Variants in UST observed in about 807,000 individuals in gnomAD.
UST encodes the protein chondroitin sulfate 2-O-sulfotransferase.
A neutral mutation model predicts 45.6 loss-of-function variants in UST; 21 were observed. That is an observed-to-expected ratio of 0.46 (90% confidence interval 0.33 to 0.66). The LOEUF is 0.66. UST is among the 30% of genes least tolerant of loss of function. UST has a pLI of 0.02. For missense variants in UST, 463 were observed against 512.4 expected, an observed-to-expected ratio of 0.90 and a Z score of 0.93; for synonymous variants, 215 against 200.6, an observed-to-expected ratio of 1.07 and a Z score of -0.61.
chr6:148,814,451 T>G (rs949920665), intron 1 of UST, among the ~76,000 whole-genome samples: 4 of 151,852 alleles, frequency 2.6e-5, no homozygotes, highest in Non-Finnish European at 4.4e-5. Flanking sequence ...CATGGAGAGA[T>G]GAAGCAAAAC....
rs189206614 is a variant in UST at position 148,923,292 on chromosome 6, C to A, written c.292-17987C>A. Among the ~76,000 whole-genome samples the A allele has an allele frequency of 2.9e-4, 44 of 152,272 alleles. No individual in the cohort carries two copies. The East Asian group carries it at 7.9e-3, about 27-fold the overall frequency. Reference sequence around the variant, plus strand: ...TTTGGGGACATATCTTGGGTATACACCTAGGAGTGGAATTTCTGGGTCATA... The same window carrying A: ...TTTGGGGACATATCTTGGGTATACAACTAGGAGTGGAATTTCTGGGTCATA... On this transcript the variant is annotated intron_variant, in intron 2 of 7. Transcript: ENST00000367463.
At chr6:149,003,102 C>T (rs767084663) in intron 5 of UST, among the ~76,000 whole-genome samples, 1 of 152,022 alleles carries the variant, frequency 6.6e-6, no homozygotes, top group African/African-American at 2.4e-5. Context: ...TTTGAACTAC[C>T]CTAAATTAAG....
chr6:148,755,301 T>C (rs1016052396), intron 1 of UST, among the ~76,000 whole-genome samples: 8 of 152,232 alleles, frequency 5.3e-5, no homozygotes. Context: ...ATTTGCTACG[T>C]ATGTTTCTCT....
intron 3 of UST, among the ~76,000 whole-genome samples, chr6:148,952,260 G>A (rs914081907): frequency 1.3e-5 from 2 of 152,136 alleles, no homozygotes; most frequent in African/African-American, 4.8e-5. Flanking sequence ...ACGTGACCAC[G>A]CAGGAAGTTT....
At chr6:149,039,667 C>T (rs533499678) in intron 7 of UST, among the ~76,000 whole-genome samples, 17 of 152,278 alleles carry the variant, frequency 1.1e-4, no homozygotes, top group Admixed American at 2.0e-4. Flanking sequence ...CTTCCCACCA[C>T]GCTTTGTAGC....
chr6:148,800,187 A>G (rs750258955), intron 1 of UST, among the ~76,000 whole-genome samples: 1 of 152,204 alleles, frequency 6.6e-6, no homozygotes, highest in Non-Finnish European at 1.5e-5. Flanking sequence ...GTGGTGCTCT[A>G]TGGGCAGTTA....
chr6:148,870,479 T>G (rs1778529199), intron 1 of UST, among the ~76,000 whole-genome samples: 1 of 152,222 alleles, frequency 6.6e-6, no homozygotes, highest in African/African-American at 2.4e-5. Flanking sequence ...AACACATCTT[T>G]AACTTAGACT....
intron 5 of UST, among the ~76,000 whole-genome samples, chr6:149,010,913 A>AAAAAAAAAAC (rs755674810): frequency 0.097 from 8,950 of 92,308 alleles, 1,592 homozygotes; most frequent in Non-Finnish European, 0.12. Flanking sequence ...AAAAAAAAAA[A>AAAAAAAAAAC]AAAAAACTGT....
intron 4 of UST, chr6:148,955,979 A>G (rs1780488455): frequency 6.6e-6 from 1 of 152,210 alleles, no homozygotes; most frequent in South Asian, 2.1e-4. Context: ...TTTAGTCTTC[A>G]TTTAATTCTG....
At chr6:149,002,027 A>G (rs904085130) in intron 5 of UST, among the ~76,000 whole-genome samples, 1 of 152,206 alleles carries the variant, frequency 6.6e-6, no homozygotes, top group African/African-American at 2.4e-5. Flanking sequence ...TCTATTTACA[A>G]ATGAATTTTT....
At chr6:148,892,165 T>G (rs1429680957) in intron 2 of UST, among the ~76,000 whole-genome samples, 1 of 152,260 alleles carries the variant, frequency 6.6e-6, no homozygotes, top group East Asian at 1.9e-4. Flanking sequence ...TGTCATCATC[T>G]GAAGAGTCGT....
chr6:148,937,478 T>C (rs1012166356), intron 2 of UST, among the ~76,000 whole-genome samples: 1 of 152,218 alleles, frequency 6.6e-6, no homozygotes, highest in African/African-American at 2.4e-5. Flanking sequence ...AATTAACATC[T>C]TTTAAAAAAT....
At chr6:148,865,545 G>A (rs1390727907) in intron 1 of UST, among the ~76,000 whole-genome samples, 1 of 152,184 alleles carries the variant, frequency 6.6e-6, no homozygotes, top group Non-Finnish European at 1.5e-5. Flanking sequence ...GAGAGAGAGA[G>A]AGAGAAAACA....
Position 148,932,032 on chromosome 6 carries a change from T to G in UST, c.292-9247T>G, listed in dbSNP as rs147569115. 4.9e-3 allele frequency among the ~76,000 whole-genome samples: 740 copies of G among 152,348 alleles called. 6 individuals are homozygous for G. The highest frequency in any genetic ancestry group is 0.017 in the African/African-American group (709 of 41,586). On this transcript the variant is annotated intron_variant, in intron 2 of 7. Coordinates refer to ENST00000367463, the MANE Select transcript of UST (RefSeq NM_005715.3). ...ATTTCATTTCTCTTTCTGTCAAACA[T>G]ACAAGTATTCCATGGATTCCTATGG...
At chr6:148,755,271 G>A (rs1013931918) in intron 1 of UST, among the ~76,000 whole-genome samples, 5 of 152,164 alleles carry the variant, frequency 3.3e-5, no homozygotes, top group African/African-American at 1.2e-4. Context: ...TAATATGAAG[G>A]ACAAATATAT....
chr6:148,786,670 G>T (rs956664865), intron 1 of UST, among the ~76,000 whole-genome samples: 5 of 152,078 alleles, frequency 3.3e-5, no homozygotes, highest in African/African-American at 1.2e-4. Context: ...CCATGTCTTT[G>T]CTATTGTGAA....
chr6:148,783,886 C>A (rs1268806366), intron 1 of UST, among the ~76,000 whole-genome samples: 7 of 152,160 alleles, frequency 4.6e-5, no homozygotes, highest in African/African-American at 1.4e-4. Flanking sequence ...TCTCATCCAA[C>A]CCCGCATTTT....
chr6:148,761,084 A>G (rs1048808765), intron 1 of UST, among the ~76,000 whole-genome samples: 6 of 152,194 alleles, frequency 3.9e-5, no homozygotes, highest in African/African-American at 1.4e-4. Context: ...TGCTCCTCCC[A>G]CCGCTTTTCT....
At chr6:148,968,093 C>T (rs1266409850) in intron 5 of UST, among the ~76,000 whole-genome samples, 1 of 152,170 alleles carries the variant, frequency 6.6e-6, no homozygotes, top group African/African-American at 2.4e-5. Flanking sequence ...GATTCCACTT[C>T]GGTGCTGTTT....
Sources: gnomAD v4.1 joint callset for allele counts (sites outside exome capture counted in the v4.1 genomes callset) on GRCh38, gnomAD v4.1.1 for gene constraint, MANE v1.5 for transcripts, NCBI Gene and HGNC (gene_info 2026-07-23, HGNC 2026-07-21) for gene names.